UNC5D: variants seen among roughly 807,000 people sequenced by gnomAD.
The protein encoded by UNC5D is unc-5 netrin receptor D, also known as netrin receptor UNC5D.
UNC5D carries 39 observed loss-of-function variants against 105.4 expected under a neutral mutation model. That is an observed-to-expected ratio of 0.37 (90% CI 0.29 to 0.48). The LOEUF is 0.48. Ranked by LOEUF, UNC5D falls within the 20% of genes least tolerant of loss-of-function variation. The probability of loss-of-function intolerance (pLI) is 0.98; values close to 1 mark genes in which losing one functional copy is unlikely to be tolerated. For missense variants in UNC5D, 991 were observed against 1,202.4 expected, an observed-to-expected ratio of 0.82 and a Z score of 2.60; for synonymous variants, 452 against 450.4, an observed-to-expected ratio of 1.00 and a Z score of -0.04.
chr8:35,660,383 A>G (rs1226504644), intron 4 of UNC5D, among the ~76,000 whole-genome samples: 2 of 152,244 alleles, frequency 1.3e-5, no homozygotes, highest in Non-Finnish European at 2.9e-5. Flanking sequence ...CTTAATATTC[A>G]TGCATTTGAG....
chr8:35,587,798 T>A (rs948627053), intron 3 of UNC5D, among the ~76,000 whole-genome samples: 6 of 151,786 alleles, frequency 4.0e-5, no homozygotes, highest in Non-Finnish European at 7.4e-5. Flanking sequence ...GGGATCTTTT[T>A]TTGGACGTGA....
At chr8:35,319,373 A>G (rs1046433056) in intron 1 of UNC5D, among the ~76,000 whole-genome samples, 20 of 152,116 alleles carry the variant, frequency 1.3e-4, no homozygotes, top group African/African-American at 2.4e-5. Context: ...TTACTGTTGC[A>G]TGAAGAACAG....
intron 13 of UNC5D, among the ~76,000 whole-genome samples, chr8:35,754,808 CA>C (rs1221261535): frequency 6.6e-6 from 1 of 152,140 alleles, no homozygotes; most frequent in Non-Finnish European, 1.5e-5. Flanking sequence ...TTGACAAAAA[CA>C]AAATACTTTG....
intron 1 of UNC5D, among the ~76,000 whole-genome samples, chr8:35,342,836 T>C (rs1439244305): frequency 6.6e-6 from 1 of 152,148 alleles, no homozygotes; most frequent in Non-Finnish European, 1.5e-5. Flanking sequence ...ATATCTAACA[T>C]AGAGGGAGAT....
chr8:35,640,705 G>T (rs920767794), intron 4 of UNC5D, among the ~76,000 whole-genome samples: 1 of 152,048 alleles, frequency 6.6e-6, no homozygotes, highest in Non-Finnish European at 1.5e-5. Context: ...CCCTGAAAAC[G>T]CAGAGATGTT....
At chr8:35,263,102 C>A (rs1804599523) in intron 1 of UNC5D, among the ~76,000 whole-genome samples, 1 of 152,108 alleles carries the variant, frequency 6.6e-6, no homozygotes, top group East Asian at 1.9e-4. Context: ...AGCTCTGCAC[C>A]TTCACATATT....
chr8:35,768,811 ACAT>A (rs1214301687), intron 15 of UNC5D, among the ~76,000 whole-genome samples: 1 of 152,216 alleles, frequency 6.6e-6, no homozygotes, highest in Non-Finnish European at 1.5e-5. Context: ...GCAGAAGATA[ACAT>A]CATAATATCT....
In UNC5D at chr8:35,790,431, G is replaced by A. The variant is rs1193262065; in HGVS notation, c.2730G>A (p.Gln910=). Reference sequence around the variant, plus strand: ...TGAACCTGTGGGAAGCTCGTCATCAGCATGATGGTGATCTTGACTCCCTGG... The same window carrying A: ...TGAACCTGTGGGAAGCTCGTCATCAACATGATGGTGATCTTGACTCCCTGG... The part of the protein sequence containing the change: ...VILNLWEARH[Q]HDGDLDSLAC... The change falls in exon 17 of 17, where the codon CAG becomes CAA. Residue 910 remains glutamine (Q), a synonymous_variant. Transcript: ENST00000404895. The A allele has an allele frequency of 6.2e-7, 1 of 1,613,980 alleles. No homozygotes were observed. Among genetic ancestry groups the A allele is most frequent in the South Asian group, 1.1e-5 (1 of 91,084 alleles).
intron 1 of UNC5D, among the ~76,000 whole-genome samples, chr8:35,360,125 T>G (rs1439205659): frequency 6.6e-6 from 1 of 152,172 alleles, no homozygotes; most frequent in East Asian, 1.9e-4. Context: ...AGAGGGTTTT[T>G]TCATGTCCCT....
chr8:35,633,467 A>T (rs924704867), intron 4 of UNC5D, among the ~76,000 whole-genome samples: 11 of 151,816 alleles, frequency 7.2e-5, no homozygotes, highest in Non-Finnish European at 4.4e-5. Context: ...CCTTTTTTGT[A>T]CAGGGCACGG....
intron 11 of UNC5D, among the ~76,000 whole-genome samples, chr8:35,743,594 A>G (rs1278048158): frequency 6.6e-6 from 1 of 150,598 alleles, no homozygotes; most frequent in Non-Finnish European, 1.5e-5. Context: ...CACTTTAAAA[A>G]AAAAAAAATT....
chr8:35,695,571 G>A (rs991168523), intron 7 of UNC5D, among the ~76,000 whole-genome samples: 1 of 151,906 alleles, frequency 6.6e-6, no homozygotes, highest in African/African-American at 2.4e-5. Flanking sequence ...CAAGAGAAAG[G>A]CTCAGGAGAG....
chr8:35,765,138 C>A (rs553173854), intron 14 of UNC5D, among the ~76,000 whole-genome samples: 1 of 152,350 alleles, frequency 6.6e-6, no homozygotes, highest in East Asian at 1.9e-4. Context: ...GCCTTTGGGT[C>A]TGCCTGCTGA....
chr8:35,236,351 T>C (rs1373245141), intron 1 of UNC5D, among the ~76,000 whole-genome samples: 2 of 127,878 alleles, frequency 1.6e-5, no homozygotes, highest in Non-Finnish European at 3.4e-5. Context: ...GTCTTTTCCC[T>C]TAGGGGAGGA....
chr8:35,753,277 T>G (rs954696942), intron 13 of UNC5D, among the ~76,000 whole-genome samples: 2 of 152,174 alleles, frequency 1.3e-5, no homozygotes, highest in Non-Finnish European at 2.9e-5. Context: ...TTTCTTTTTT[T>G]TTGTTTTTTG....
rs185031702 is a variant in UNC5D at position 35,343,738 on chromosome 8, T to C, written c.103+107851T>C. 9.3e-4 allele frequency among the ~76,000 whole-genome samples: 141 copies of C among 152,274 alleles called. No homozygotes were observed. The South Asian group carries it at 0.01, about 11-fold the overall frequency. On this transcript the variant is annotated intron_variant, in intron 1 of 16. Transcript: ENST00000404895. Reference sequence around the variant, plus strand: ...CTTCTGTTTCTTCCAGCCACAGGGCTTGTGGTATCCTCTCTTCTATGTTAG... The same window carrying C: ...CTTCTGTTTCTTCCAGCCACAGGGCCTGTGGTATCCTCTCTTCTATGTTAG...
chr8:35,788,183 C>CTGTGTGTG (rs144295080), intron 16 of UNC5D, among the ~76,000 whole-genome samples: 1 of 148,424 alleles, frequency 6.7e-6, no homozygotes, highest in Non-Finnish European at 1.5e-5. Flanking sequence ...CTCAGAATTG[C>CTGTGTGTG]TGTGTGTGTG....
intron 11 of UNC5D, among the ~76,000 whole-genome samples, chr8:35,735,823 C>G (rs888052831): frequency 2.0e-5 from 3 of 152,180 alleles, no homozygotes; most frequent in African/African-American, 7.2e-5. Context: ...CACACGCCTC[C>G]TCATATATCA....
At chr8:35,628,078 A>C (rs2978583) in intron 4 of UNC5D, among the ~76,000 whole-genome samples, 14,423 of 152,092 alleles carry the variant, frequency 0.095, 708 homozygotes, top group Non-Finnish European at 0.1. Flanking sequence ...AAAAATTACC[A>C]TTATTTTATA....
Sources: allele counts gnomAD v4.1 joint callset (sites outside exome capture counted in the v4.1 genomes callset), GRCh38; gene constraint gnomAD v4.1.1; transcripts MANE v1.5; gene names NCBI Gene and HGNC (gene_info 2026-07-23, HGNC 2026-07-21).